Variants in ALDH7A1 observed in about 807,000 individuals in gnomAD.
ALDH7A1 encodes aldehyde dehydrogenase 7 family member A1, also known as alpha-aminoadipic semialdehyde dehydrogenase.
In ALDH7A1, 63 loss-of-function variants were observed where a neutral mutation model predicts 79.9. That is an observed-to-expected ratio of 0.79 (90% CI 0.64 to 0.97). The LOEUF is 0.97. Ranked by LOEUF, ALDH7A1 falls within the 50% of genes least tolerant of loss-of-function variation. The pLI is 0.00. For synonymous variants in ALDH7A1, 240 were observed against 231.2 expected, an observed-to-expected ratio of 1.04 and a Z score of -0.34; for missense variants, 627 against 665.2, an observed-to-expected ratio of 0.94 and a Z score of 0.63.
intron 5 of ALDH7A1, among the ~76,000 whole-genome samples, chr5:126,578,637 TCA>T (rs1751062102): frequency 1.7e-5 from 1 of 58,342 alleles, no homozygotes. Flanking sequence ...AGACCCTGTA[TCA>T]AAAAAAAAAA....
At chr5:126,550,633 A>G (rs891792448) in intron 14 of ALDH7A1, among the ~76,000 whole-genome samples, 7 of 146,056 alleles carry the variant, frequency 4.8e-5, no homozygotes, top group African/African-American at 1.7e-4. Flanking sequence ...CTCATCCTAT[A>G]ACACAGGTTT....
chr5:126,554,491 T>G, intron 12 of ALDH7A1, 98 bp from the exon 13 acceptor site: 1 of 896,538 alleles, frequency 1.1e-6, no homozygotes, highest in East Asian at 2.4e-5. Context: ...AATCCCTTCC[T>G]ATATGCTCTC....
intron 16 of ALDH7A1, chr5:126,549,374 T>C (rs1749912179): frequency 6.6e-6 from 1 of 152,538 alleles, no homozygotes; most frequent in Non-Finnish European, 1.5e-5. Context: ...TCTGTTTTAT[T>C]TTACTTTGGA....
At chr5:126,559,169 T>C (rs2112768160) in intron 11 of ALDH7A1, 71 bp downstream of exon 11, 1 of 1,325,846 alleles carries the variant, frequency 7.5e-7, no homozygotes, top group Non-Finnish European at 1.1e-6. Flanking sequence ...CTGACACCTC[T>C]CTAACAGCAG....
At position 126,552,089 on chromosome 5, in the gene ALDH7A1, G is replaced by A. The variant is rs1318876453; in HGVS notation, c.1249C>T (p.Leu417Phe). 4 of 1,614,064 alleles carry A rather than the reference G, an allele frequency of 2.5e-6. No homozygotes were observed. Among genetic ancestry groups the A allele is most frequent in the Non-Finnish European group, 2.5e-6 (3 of 1,180,006 alleles). The change falls in exon 14 of 18, where the codon CTT becomes TTT. Residue 417 changes from leucine (L) to phenylalanine (F), a missense_variant. Leu to Phe is a conservative substitution (Grantham distance 22). Coordinates refer to ENST00000409134, the MANE Select transcript of ALDH7A1 (RefSeq NM_001182.5). ...TGTGCAATGGACGCATCGTGGCCAA[G>A]ACCTGTCACAATTGTCGGTTCTACA... ...NYVEPTIVTG[L>F]GHDASIAHTE...
chr5:126,551,766 A>G (rs1750008004), intron 14 of ALDH7A1, among the ~76,000 whole-genome samples: 1 of 152,246 alleles, frequency 6.6e-6, no homozygotes, highest in African/African-American at 2.4e-5. Flanking sequence ...AAGATGACAC[A>G]GGAAATGAGG....
rs973800400 is a variant in ALDH7A1, at chr5:126,564,739, G to A, written c.871+3520C>T. On this transcript the variant is annotated intron_variant, in intron 9 of 17. Transcript: ENST00000409134. ...TGGCTATAGCATAGCGCTATGCTAG[G>A]TGTTAAGAAGAGAAGGAAGGAAACG... is the stretch of plus-strand genomic sequence containing the variant. 8.0e-5 allele frequency: 34 copies of A among 423,980 alleles called. No individual in the cohort carries two copies. The Admixed American group carries it at 1.3e-3, about 16-fold the overall frequency. 26.3% of individuals were successfully genotyped at this position (423,980 alleles called of 1,614,324 possible).
intron 11 of ALDH7A1, among the ~76,000 whole-genome samples, chr5:126,556,810 G>A (rs72786506): frequency 6.6e-6 from 1 of 152,040 alleles, no homozygotes; most frequent in Non-Finnish European, 1.5e-5. Flanking sequence ...AAGTGGCAGA[G>A]CTGAACTTGC....
At position 126,549,808 on chromosome 5, in the gene ALDH7A1, C is replaced by G. The variant is rs1749926060; in HGVS notation, c.1489+121G>C. ...GTAAGCTTTTTCAGATATGTTAGAT[C>G]ACATAAGGTTATTTCAGAATATAAG... is the stretch of plus-strand genomic sequence containing the variant. On this transcript the variant is annotated intron_variant, in intron 16 of 17. Transcript: ENST00000409134. 4.3e-6 allele frequency: 4 copies of G among 934,564 alleles called. No individual in the cohort carries two copies. The Admixed American group carries it at 5.4e-5, about 13-fold the overall frequency. 57.9% of individuals were successfully genotyped at this position (934,564 alleles called of 1,614,324 possible).
At chr5:126,545,782 A>C (rs1266591670) in intron 17 of ALDH7A1, among the ~76,000 whole-genome samples, 8 of 147,028 alleles carry the variant, frequency 5.4e-5, no homozygotes, top group Non-Finnish European at 1.0e-4. Context: ...ACAGAGCAAG[A>C]CTCCATCTCA....
At chr5:126,547,988 G>A (rs1014762709) in intron 16 of ALDH7A1, among the ~76,000 whole-genome samples, 1 of 151,414 alleles carries the variant, frequency 6.6e-6, no homozygotes, top group Non-Finnish European at 1.5e-5. Flanking sequence ...GGAGGTGGAT[G>A]TTGCAGCGAG....
At chr5:126,570,732 G>T (rs768389575) in intron 8 of ALDH7A1, 50 bp downstream of exon 8, 23 of 1,532,096 alleles carry the variant, frequency 1.5e-5, no homozygotes, top group Admixed American at 1.7e-5. Context: ...GATTCTAGTT[G>T]GTCAACCTGG....
At chr5:126,558,410 T>C (rs1234095064) in intron 11 of ALDH7A1, among the ~76,000 whole-genome samples, 2 of 152,210 alleles carry the variant, frequency 1.3e-5, no homozygotes, top group Non-Finnish European at 2.9e-5. Context: ...ATGCAGGCTA[T>C]ATATGTATAT....
chr5:126,549,800 T>G (rs1025969538), intron 16 of ALDH7A1, 129 bp downstream of exon 16: 1 of 890,006 alleles, frequency 1.1e-6, no homozygotes, highest in African/African-American at 1.6e-5. Context: ...TTTTCAGATA[T>G]GTTAGATCAC....
In ALDH7A1 at chr5:126,582,908, A is replaced by G. The variant is rs1057520885; in HGVS notation, c.460T>C (p.Cys154Arg). The G allele has an allele frequency of 1.9e-6, 3 of 1,613,674 alleles. No homozygotes were observed. Among genetic ancestry groups the G allele is most frequent in the South Asian group, 2.2e-5 (2 of 91,066 alleles). The stretch of plus-strand genomic sequence containing the variant: ...CTTGATAAACCAACAGCATAGTCAC[A>G]GATATCCACATACTCCTGAACTTCA... ...VGEVQEYVDI[C>R]DYAVGLSRMI... The change falls in exon 5 of 18, where the codon TGT (cysteine) becomes CGT (arginine). Residue 154 changes from cysteine (C) to arginine (R), a missense_variant. Cys to Arg is a radical substitution (Grantham distance 180). Transcript: ENST00000409134.
At chr5:126,587,252 A>G (rs984045668) in intron 3 of ALDH7A1, 1 of 152,222 alleles carries the variant, frequency 6.6e-6, no homozygotes, top group African/African-American at 2.4e-5. Flanking sequence ...CAGCAAGTCT[A>G]TTCCTTAGAA....
At chr5:126,548,575 C>T (rs1353326711) in intron 16 of ALDH7A1, among the ~76,000 whole-genome samples, 3 of 151,866 alleles carry the variant, frequency 2.0e-5, no homozygotes, top group African/African-American at 7.3e-5. Context: ...TACAGGCACA[C>T]ACCATCATGC....
chr5:126,546,232 C>A, intron 17 of ALDH7A1, 92 bp downstream of exon 17: 2 of 1,161,414 alleles, frequency 1.7e-6, no homozygotes, highest in Non-Finnish European at 2.6e-6. Context: ...TCAAATGACA[C>A]TGCACAAAGA....
At chr5:126,593,309 A>G (rs909605334) in intron 2 of ALDH7A1, 42 bp downstream of exon 2, 2 of 308,122 alleles carry the variant, frequency 6.5e-6, no homozygotes, top group Non-Finnish European at 9.6e-6. Context: ...TTTGAATTAA[A>G]CACACACACA....
Sources: gnomAD v4.1 joint callset for allele counts (sites outside exome capture counted in the v4.1 genomes callset) on GRCh38, gnomAD v4.1.1 for gene constraint, MANE v1.5 for transcripts, NCBI Gene and HGNC (gene_info 2026-07-23, HGNC 2026-07-21) for gene names.